The following ARB2A variants were observed in gnomAD, a reference collection of about 807,000 sequenced individuals.
ARB2A encodes the protein ARB2 cotranscriptional regulator A, also known as cotranscriptional regulator ARB2A.
At chr5:94,097,899 T>A in the ARB2A span, among the ~76,000 whole-genome samples, 1 of 135,088 alleles carries the variant, frequency 7.4e-6, no homozygotes, top group Non-Finnish European at 1.5e-5. Flanking sequence ...CAGATCCCTC[T>A]GCCGCTGGCT....
the ARB2A span, among the ~76,000 whole-genome samples, chr5:93,764,524 C>T: frequency 6.6e-6 from 1 of 152,088 alleles, no homozygotes; most frequent in Non-Finnish European, 1.5e-5. Context: ...CTGAATAGAC[C>T]AATAATAGGT....
At chr5:93,881,482 T>G in the ARB2A span, 8 of 1,609,704 alleles carry the variant, frequency 5.0e-6, no homozygotes, top group Non-Finnish European at 6.8e-6. Flanking sequence ...TGATATACAA[T>G]TGCATCATTT....
At chr5:93,935,129 C>T in the ARB2A span, among the ~76,000 whole-genome samples, 32 of 152,096 alleles carry the variant, frequency 2.1e-4, no homozygotes, top group East Asian at 1.4e-3. Flanking sequence ...ACATTGGGTA[C>T]GATGTACACT....
the ARB2A span, among the ~76,000 whole-genome samples, chr5:94,046,295 C>T: frequency 4.4e-3 from 674 of 152,218 alleles, 2 homozygotes; most frequent in African/African-American, 0.011. Context: ...GCAAATACAA[C>T]GCTTTACCTC....
chr5:93,774,858 C>T, the ARB2A span, among the ~76,000 whole-genome samples: 2 of 152,102 alleles, frequency 1.3e-5, no homozygotes, highest in Non-Finnish European at 2.9e-5. Context: ...TATTGATTGG[C>T]TGACAAAAAT....
the ARB2A span, among the ~76,000 whole-genome samples, chr5:94,023,667 G>A: frequency 2.0e-5 from 3 of 152,104 alleles, no homozygotes; most frequent in Admixed American, 6.5e-5. Context: ...CTCCAGTAAC[G>A]TACCAGTATT....
At chr5:93,865,466 A>G in the ARB2A span, 13 of 985,176 alleles carry the variant, frequency 1.3e-5, 1 homozygote, top group South Asian at 4.7e-4. Flanking sequence ...GACATGGTAC[A>G]TAATCGATGA....
the ARB2A span, chr5:93,739,521 T>C: frequency 6.6e-6 from 1 of 152,128 alleles, no homozygotes; most frequent in African/African-American, 2.4e-5. Flanking sequence ...TACATACTGA[T>C]AGAATTCTAG....
the ARB2A span, among the ~76,000 whole-genome samples, chr5:93,730,081 G>A: frequency 6.6e-6 from 1 of 152,082 alleles, no homozygotes; most frequent in Non-Finnish European, 1.5e-5. Flanking sequence ...AAGAAACTCA[G>A]TTTAAAAATA....
the ARB2A span, among the ~76,000 whole-genome samples, chr5:93,809,990 A>G: frequency 6.6e-6 from 1 of 152,058 alleles, no homozygotes; most frequent in African/African-American, 2.4e-5. Context: ...GAAATTCTGT[A>G]TTTTTTGAGA....
chr5:93,703,381 T>C, the ARB2A span, among the ~76,000 whole-genome samples: 21 of 152,270 alleles, frequency 1.4e-4, no homozygotes, highest in Non-Finnish European at 1.9e-4. Flanking sequence ...TAAAAAAAGA[T>C]CATAACACCC....
chr5:93,964,443 T>C, the ARB2A span: 9 of 1,499,602 alleles, frequency 6.0e-6, no homozygotes, highest in Non-Finnish European at 7.3e-6. Context: ...AACATTTCTT[T>C]AAAATTTGAC....
chr5:94,084,697 G>A, the ARB2A span, among the ~76,000 whole-genome samples: 2 of 152,068 alleles, frequency 1.3e-5, no homozygotes, highest in South Asian at 2.1e-4. Flanking sequence ...AGAACAGGAT[G>A]GAACTCCAAA....
At chr5:94,064,703 G>A in the ARB2A span, among the ~76,000 whole-genome samples, 1 of 152,178 alleles carries the variant, frequency 6.6e-6, no homozygotes, top group East Asian at 1.9e-4. Flanking sequence ...TGCCGAAAGA[G>A]AGAAAACTGC....
the ARB2A span, among the ~76,000 whole-genome samples, chr5:94,002,118 G>A: frequency 6.6e-6 from 1 of 151,952 alleles, no homozygotes; most frequent in African/African-American, 2.4e-5. Flanking sequence ...GGATAGAGTT[G>A]ATTGAAGTTG....
the ARB2A span, among the ~76,000 whole-genome samples, chr5:93,986,005 C>T: frequency 6.8e-6 from 1 of 147,182 alleles, no homozygotes; most frequent in Non-Finnish European, 1.5e-5. Context: ...CGCCTATCGT[C>T]TGGGATGTGG....
At chr5:93,705,116 G>C in the ARB2A span, among the ~76,000 whole-genome samples, 3 of 152,140 alleles carry the variant, frequency 2.0e-5, no homozygotes, top group Non-Finnish European at 4.4e-5. Context: ...CCTCAAGTTA[G>C]AAAGCATTCA....
chr5:93,921,145 T>C, the ARB2A span, among the ~76,000 whole-genome samples: 5 of 130,970 alleles, frequency 3.8e-5, no homozygotes, highest in Admixed American at 4.2e-4. Context: ...GAGTTCAGTG[T>C]AAAGACCATG....
chr5:94,072,208 C>CA, the ARB2A span, among the ~76,000 whole-genome samples: 9 of 152,014 alleles, frequency 5.9e-5, no homozygotes. Context: ...TGCCAGGAGA[C>CA]AGAGATGAAG....
Sources: allele counts gnomAD v4.1 joint callset (sites outside exome capture counted in the v4.1 genomes callset), GRCh38; gene constraint gnomAD v4.1.1; transcripts MANE v1.5; gene names NCBI Gene and HGNC (gene_info 2026-07-23, HGNC 2026-07-21).